OLFM4: variants seen among roughly 807,000 people sequenced by gnomAD.
OLFM4 encodes olfactomedin-4.
In OLFM4, 22 loss-of-function variants were observed where a neutral mutation model predicts 25.5. That is an observed-to-expected ratio of 0.86 (90% CI 0.62 to 1.23). The LOEUF is 1.23. Ranked by LOEUF, OLFM4 falls within the 50% of genes most tolerant of loss-of-function variation. The pLI is 0.00. For missense variants in OLFM4, 594 were observed against 619.4 expected (o/e 0.96, Z 0.44); for synonymous variants, 255 against 237.7 (o/e 1.07, Z -0.67).
rs752642955 is a variant in OLFM4 at position 53,050,443 on chromosome 13, C to T, written c.1205C>T (p.Thr402Ile). 7 of 1,613,932 alleles carry T rather than the reference C, an allele frequency of 4.3e-6. No homozygotes were observed. The highest frequency in any genetic ancestry group is 1.3e-5 in the African/African-American group (1 of 74,906). Residue 402 changes from threonine to isoleucine, a missense_variant, in exon 5 of 5, where the codon ACT becomes ATT. Physicochemically the swap from Thr to Ile is moderately conservative, Grantham distance 89. Transcript: ENST00000219022. ...LWVIYSTEASTGNMVISKLND... is the reference protein window; with the variant it reads ...LWVIYSTEASIGNMVISKLND... ...GTTATTTATTCAACTGAAGCCAGCA[C>T]TGGTAACATGGTGATTAGTAAACTC...
At chr13:53,039,599 G>T (rs185509125) in intron 2 of OLFM4, among the ~76,000 whole-genome samples, 1 of 152,268 alleles carries the variant, frequency 6.6e-6, no homozygotes. Flanking sequence ...AAGTATTTGG[G>T]AGGATGTGTG....
At chr13:53,032,723 T>G (rs918116048) in intron 1 of OLFM4, among the ~76,000 whole-genome samples, 4 of 103,090 alleles carry the variant, frequency 3.9e-5, no homozygotes, top group Admixed American at 8.1e-5. Context: ...TACACACACA[T>G]ATTTTTTTTT....
chr13:53,049,132 G>A (rs948054735), intron 4 of OLFM4, among the ~76,000 whole-genome samples: 16 of 152,128 alleles, frequency 1.1e-4, no homozygotes, highest in African/African-American at 3.9e-4. Context: ...TGTCTGGATG[G>A]AAAGATGAAA....
Position 53,028,843 on chromosome 13 carries a change from C to T in OLFM4, c.7C>T (p.Pro3Ser), listed in dbSNP as rs1220746714. The T allele has an allele frequency of 1.2e-6, 2 of 1,614,188 alleles. No individual in the cohort carries two copies. The highest frequency in any genetic ancestry group is 3.3e-4 in the Middle Eastern group (2 of 6,062). Residue 3 changes from proline to serine, a missense_variant, in exon 1 of 5, where the codon CCC becomes TCC. Coordinates refer to ENST00000219022, the MANE Select transcript of OLFM4 (RefSeq NM_006418.5). ...CTCCAGCTAAGAGGACAAGATGAGG[C>T]CCGGCCTCTCATTTCTCCTAGCCCT... Reference protein sequence around the residue: MRPGLSFLLALLF... With the variant: MRSGLSFLLALLF...
intron 2 of OLFM4, among the ~76,000 whole-genome samples, chr13:53,036,535 A>G (rs1954659663): frequency 6.6e-6 from 1 of 152,124 alleles, no homozygotes; most frequent in Non-Finnish European, 1.5e-5. Context: ...GGCTGGTAAC[A>G]TCTGCTTTGC....
chr13:53,029,938 T>C (rs1954620376), intron 1 of OLFM4, among the ~76,000 whole-genome samples: 2 of 152,108 alleles, frequency 1.3e-5, no homozygotes, highest in Non-Finnish European at 2.9e-5. Flanking sequence ...CATTTCACTC[T>C]GGGCCTTTCT....
Position 53,043,368 on chromosome 13 carries a change from GTTGTT to G in OLFM4, c.730+107_730+111del, listed in dbSNP as rs879027457. On this transcript the variant is annotated intron_variant, in intron 4 of 4. Coordinates refer to ENST00000219022, the MANE Select transcript of OLFM4 (RefSeq NM_006418.5). Reference sequence around the variant, plus strand: ...TTGCAATGGTGAAAGAAGAAGGTGGGTTGTTTTTTTTTTTTTTTTTTCAGTTCTCA... The same window carrying G: ...TTGCAATGGTGAAAGAAGAAGGTGGGTTTTTTTTTTTTTTTTCAGTTCTCA... 2.6e-3 allele frequency: 1,194 copies of G among 458,304 alleles called. 15 individuals carry two copies. Among genetic ancestry groups the G allele is most frequent in the Admixed American group, 5.3e-3 (90 of 17,052 alleles). 28.4% of individuals were successfully genotyped at this position (458,304 alleles called of 1,614,324 possible).
intron 4 of OLFM4, among the ~76,000 whole-genome samples, chr13:53,047,092 C>T (rs1021020082): frequency 6.6e-6 from 1 of 152,214 alleles, no homozygotes; most frequent in Non-Finnish European, 1.5e-5. Context: ...GTGTTCTCTT[C>T]CACCAGAAAA....
chr13:53,032,713 TAC>T (rs1424505267), intron 1 of OLFM4, among the ~76,000 whole-genome samples: 2 of 118,400 alleles, frequency 1.7e-5, no homozygotes, highest in Non-Finnish European at 3.5e-5. Flanking sequence ...TATGATTGGA[TAC>T]ACACACATAT....
intron 2 of OLFM4, among the ~76,000 whole-genome samples, chr13:53,040,151 G>A (rs1455772546): frequency 6.6e-6 from 1 of 152,090 alleles, no homozygotes; most frequent in Non-Finnish European, 1.5e-5. Flanking sequence ...AAAAGCCATG[G>A]CATTTTCTTT....
intron 2 of OLFM4, among the ~76,000 whole-genome samples, chr13:53,039,425 G>A (rs941816040): frequency 1.6e-4 from 25 of 152,062 alleles, no homozygotes; most frequent in Admixed American, 1.5e-3. Context: ...CCTTGGTTCC[G>A]CATCTGCAGA....
At chr13:53,049,178 G>A (rs1036971675) in intron 4 of OLFM4, among the ~76,000 whole-genome samples, 10 of 152,102 alleles carry the variant, frequency 6.6e-5, no homozygotes, top group African/African-American at 2.2e-4. Context: ...ATAGCATATG[G>A]GTTATGAACA....
chr13:53,035,450 G>A (rs1405267316), intron 2 of OLFM4, among the ~76,000 whole-genome samples: 1 of 152,044 alleles, frequency 6.6e-6, no homozygotes, highest in Non-Finnish European at 1.5e-5. Flanking sequence ...TATCTTTTGT[G>A]TTACAAACCA....
Position 53,051,640 on chromosome 13 carries a change from A to G in OLFM4, c.*869A>G, listed in dbSNP as rs1308922089. The G allele has an allele frequency of 6.6e-6, 1 of 152,080 alleles. No individual in the cohort carries two copies. The highest frequency in any genetic ancestry group is 1.9e-4 in the East Asian group (1 of 5,190). 9.4% of individuals were successfully genotyped at this position (152,080 alleles called of 1,614,324 possible). On this transcript the variant is annotated 3_prime_UTR_variant, in exon 5 of 5. Coordinates refer to ENST00000219022, the MANE Select transcript of OLFM4 (RefSeq NM_006418.5). ...AGAAAAATTAATTTTCTTTAATTTCATTATGAACTTTTATTTACATGACTC... is the reference window on the plus strand; with the variant it reads ...AGAAAAATTAATTTTCTTTAATTTCGTTATGAACTTTTATTTACATGACTC...
chr13:53,049,101 T>G (rs915792852), intron 4 of OLFM4, among the ~76,000 whole-genome samples: 50 of 152,144 alleles, frequency 3.3e-4, no homozygotes, highest in African/African-American at 1.2e-3. Flanking sequence ...CACTTGATTG[T>G]ACACATTGTG....
chr13:53,037,777 A>G (rs1038870510), intron 2 of OLFM4, among the ~76,000 whole-genome samples: 2 of 152,188 alleles, frequency 1.3e-5, no homozygotes, highest in African/African-American at 4.8e-5. Context: ...CATATATTGA[A>G]AATAGTAGTA....
Position 53,039,370 on chromosome 13 carries a change from C to G in OLFM4, c.358-2540C>G, listed in dbSNP as rs1314419840. 2.0e-5 allele frequency among the ~76,000 whole-genome samples: 3 copies of G among 152,152 alleles called. No individual in the cohort carries two copies. The East Asian group carries it at 5.8e-4, about 29-fold the overall frequency. On this transcript the variant is annotated intron_variant, in intron 2 of 4. Coordinates refer to ENST00000219022, the MANE Select transcript of OLFM4 (RefSeq NM_006418.5). ...GCAGCCCTATATCTGCAGTGCACTT[C>G]TCAGGGGGACTTGTTAGGTTTTATA... is the stretch of plus-strand genomic sequence containing the variant.
chr13:53,033,948 T>TCGGGAGGC (rs1954642413), intron 1 of OLFM4, among the ~76,000 whole-genome samples: 1 of 74,528 alleles, frequency 1.3e-5, no homozygotes, highest in Non-Finnish European at 3.8e-5. Flanking sequence ...TCCCAGCTAC[T>TCGGGAGGC]TGGGAGGCTG....
intron 2 of OLFM4, among the ~76,000 whole-genome samples, chr13:53,038,773 G>C (rs777659741): frequency 6.6e-6 from 1 of 152,228 alleles, no homozygotes; most frequent in Non-Finnish European, 1.5e-5. Flanking sequence ...CATGTGGTCA[G>C]CATTGTCCAC....
Sources: gnomAD v4.1 joint callset for allele counts (sites outside exome capture counted in the v4.1 genomes callset) on GRCh38, gnomAD v4.1.1 for gene constraint, MANE v1.5 for transcripts, NCBI Gene and HGNC (gene_info 2026-07-23, HGNC 2026-07-21) for gene names.